TAF1B: variants seen among roughly 807,000 people sequenced by gnomAD.
The protein encoded by TAF1B is TATA-box binding protein associated factor, RNA polymerase I subunit B.
In TAF1B, 61 loss-of-function variants were observed where a neutral mutation model predicts 83.9. The observed-to-expected ratio is 0.73, with a 90% CI of 0.59 to 0.90. The LOEUF is 0.90. TAF1B is among the 40% of genes least tolerant of loss of function. TAF1B has a pLI of 0.00. For synonymous variants in TAF1B, 221 were observed against 224.6 expected, an observed-to-expected ratio of 0.98 and a Z score of 0.14; for missense variants, 625 against 677.0, an observed-to-expected ratio of 0.92 and a Z score of 0.85.
chr2:9,882,792 T>C lies in TAF1B; in HGVS notation c.794T>C (p.Ile265Thr). The C allele has an allele frequency of 6.2e-7, 1 of 1,609,942 alleles. No individual in the cohort carries two copies. The highest frequency in any genetic ancestry group is 1.1e-5 in the South Asian group (1 of 90,168). ...QMKLYGRDRG[I>T]FGIESWPDYE... ...AAATTATATGGACGTGACAGAGGAA[T>C]CTTTGGTATAGAGGTAAGTTATTTT... Residue 265 changes from isoleucine (I) to threonine (T), a missense_variant, in exon 8 of 15, where the codon ATC becomes ACC. Physicochemically the swap from Ile to Thr is moderately conservative, Grantham distance 89 (BLOSUM62 -1). Coordinates refer to ENST00000263663, the MANE Select transcript of TAF1B (RefSeq NM_005680.3).
chr2:9,904,832 A>G (rs1338775720), intron 8 of TAF1B, 27 bp from the exon 9 acceptor site: 7 of 1,589,818 alleles, frequency 4.4e-6, no homozygotes, highest in South Asian at 1.1e-5. Context: ...AAAAATTGCA[A>G]CTATGATGGT....
At chr2:9,882,384 C>CTCCAGGGCT (rs1664537577) in intron 7 of TAF1B, among the ~76,000 whole-genome samples, 1 of 152,208 alleles carries the variant, frequency 6.6e-6, no homozygotes, top group Non-Finnish European at 1.5e-5. Flanking sequence ...AGTTCTGAAA[C>CTCCAGGGCT]TCCAGGGCTC....
At chr2:9,877,963 G>A (rs1558245531) in intron 7 of TAF1B, among the ~76,000 whole-genome samples, 2 of 152,104 alleles carry the variant, frequency 1.3e-5, no homozygotes, top group Non-Finnish European at 2.9e-5. Context: ...CACAAGTTTG[G>A]GAACAGAGCT....
intron 14 of TAF1B, among the ~76,000 whole-genome samples, chr2:9,921,182 C>A (rs1665867402): frequency 2.0e-5 from 3 of 152,186 alleles, no homozygotes; most frequent in Admixed American, 2.0e-4. Context: ...GCCTCAACTT[C>A]CTAGGCTCAA....
intron 3 of TAF1B, among the ~76,000 whole-genome samples, 197 bp downstream of exon 3, chr2:9,849,657 T>TA (rs1350595743): frequency 1.3e-5 from 2 of 152,226 alleles, no homozygotes; most frequent in Non-Finnish European, 2.9e-5. Flanking sequence ...AAAAAATGCT[T>TA]ATTTTCTGAA....
chr2:9,923,002 G>C (rs375204952), intron 14 of TAF1B, among the ~76,000 whole-genome samples: 1 of 152,286 alleles, frequency 6.6e-6, no homozygotes, highest in South Asian at 2.1e-4. Flanking sequence ...CTAGCACTTA[G>C]GGAGGCTGAG....
intron 2 of TAF1B, chr2:9,845,957 T>C: frequency 2.4e-6 from 1 of 410,664 alleles, no homozygotes; most frequent in South Asian, 1.9e-5. Context: ...TACTCCAGCC[T>C]GGGCAGCAGA....
intron 14 of TAF1B, among the ~76,000 whole-genome samples, chr2:9,932,824 C>G (rs1666257738): frequency 6.6e-6 from 1 of 152,252 alleles, no homozygotes; most frequent in South Asian, 2.1e-4. Flanking sequence ...GCAGTGGGCT[C>G]TGCCCGGTTT....
At chr2:9,915,107 T>C (rs1033982778) in intron 12 of TAF1B, among the ~76,000 whole-genome samples, 4 of 152,336 alleles carry the variant, frequency 2.6e-5, no homozygotes, top group South Asian at 4.1e-4. Context: ...CTAGCTGTTA[T>C]AGAAGATGTT....
chr2:9,853,984 A>G (rs1380355610), intron 4 of TAF1B, among the ~76,000 whole-genome samples: 2 of 152,204 alleles, frequency 1.3e-5, no homozygotes, highest in Admixed American at 6.5e-5. Flanking sequence ...ACCTGACACT[A>G]TGATGATATT....
chr2:9,911,010 G>GGGA, intron 10 of TAF1B, 97 bp downstream of exon 10: 5 of 1,189,308 alleles, frequency 4.2e-6, no homozygotes, highest in Non-Finnish European at 5.8e-6. Flanking sequence ...TTTAAAAAAA[G>GGGA]AGCTAAAGAA....
chr2:9,873,686 G>A (rs1271279517), intron 6 of TAF1B, among the ~76,000 whole-genome samples: 1 of 115,166 alleles, frequency 8.7e-6, no homozygotes, highest in African/African-American at 3.4e-5. Context: ...TCTACTTGTT[G>A]CTCAGGCCAA....
At chr2:9,873,009 G>C (rs1199983523) in intron 6 of TAF1B, among the ~76,000 whole-genome samples, 1 of 152,160 alleles carries the variant, frequency 6.6e-6, no homozygotes, top group Admixed American at 6.5e-5. Flanking sequence ...TTCTATTCCT[G>C]GCATTTAGGT....
At chr2:9,901,550 T>C (rs1320238610) in intron 8 of TAF1B, among the ~76,000 whole-genome samples, 3 of 152,200 alleles carry the variant, frequency 2.0e-5, no homozygotes, top group Non-Finnish European at 4.4e-5. Flanking sequence ...TAAATCATTT[T>C]TTAGATGATT....
intron 5 of TAF1B, among the ~76,000 whole-genome samples, chr2:9,860,752 G>A (rs1317291409): frequency 6.6e-6 from 1 of 152,220 alleles, no homozygotes; most frequent in Admixed American, 6.5e-5. Flanking sequence ...TGTGATAAAT[G>A]CTGTCACTAG....
intron 2 of TAF1B, among the ~76,000 whole-genome samples, chr2:9,847,016 TG>T (rs1314387738): frequency 6.6e-6 from 1 of 152,256 alleles, no homozygotes; most frequent in Non-Finnish European, 1.5e-5. Context: ...CATTAGTAGA[TG>T]AAGTCAGCAT....
chr2:9,848,895 AAT>A (rs1314155406), intron 2 of TAF1B, among the ~76,000 whole-genome samples: 1 of 152,236 alleles, frequency 6.6e-6, no homozygotes, highest in Non-Finnish European at 1.5e-5. Flanking sequence ...AATAAAATGT[AAT>A]ACGTACTTTT....
chr2:9,905,414 A>G (rs754350591), intron 9 of TAF1B, among the ~76,000 whole-genome samples: 4 of 152,224 alleles, frequency 2.6e-5, no homozygotes, highest in Admixed American at 6.5e-5. Flanking sequence ...AAAAAATCCT[A>G]GAAGCTAATC....
At chr2:9,902,725 G>A (rs564256271) in intron 8 of TAF1B, among the ~76,000 whole-genome samples, 30 of 152,152 alleles carry the variant, frequency 2.0e-4, no homozygotes, top group Non-Finnish European at 4.1e-4. Context: ...GTCTTTTATG[G>A]GCATGCATAC....
Sources: allele counts gnomAD v4.1 joint callset (sites outside exome capture counted in the v4.1 genomes callset), GRCh38; gene constraint gnomAD v4.1.1; transcripts MANE v1.5; gene names NCBI Gene and HGNC (gene_info 2026-07-23, HGNC 2026-07-21).